The following LCP2 variants were observed in gnomAD, a reference collection of about 807,000 sequenced individuals.
LCP2 encodes the protein 76 kDa tyrosine phosphoprotein.
Under a neutral mutation model 74.5 loss-of-function variants are expected in LCP2, and 29 were observed. That is an observed-to-expected ratio of 0.39 (90% confidence interval 0.29 to 0.53). LCP2 has a LOEUF of 0.53. Ranked by LOEUF, LCP2 falls within the 20% of genes least tolerant of loss-of-function variation. LCP2 has a pLI of 0.72. For missense variants in LCP2, 604 were observed against 634.6 expected (o/e 0.95, Z 0.52); for synonymous variants, 228 against 229.5 (o/e 0.99, Z 0.06).
At chr5:170,289,873 C>T (rs1762259845) in intron 2 of LCP2, among the ~76,000 whole-genome samples, 1 of 151,512 alleles carries the variant, frequency 6.6e-6, no homozygotes, top group South Asian at 2.1e-4. Flanking sequence ...TTCCTAAGGG[C>T]TGCCAGAGGG....
intron 17 of LCP2, 122 bp from the exon 18 acceptor site, chr5:170,253,335 C>A: frequency 1.8e-6 from 1 of 549,228 alleles, no homozygotes; most frequent in Non-Finnish European, 3.1e-6. Flanking sequence ...TCCTATAGTT[C>A]GCATTTTAAG....
intron 6 of LCP2, among the ~76,000 whole-genome samples, chr5:170,272,592 A>ATTTTCT (rs1761913354): frequency 2.9e-5 from 1 of 34,312 alleles, no homozygotes; most frequent in Non-Finnish European, 6.8e-5. Flanking sequence ...CCCATCAAAT[A>ATTTTCT]TTTTCTTTTT....
intron 3 of LCP2, among the ~76,000 whole-genome samples, chr5:170,280,807 A>G (rs141978486): frequency 0.011 from 1,743 of 152,270 alleles, 35 homozygotes; most frequent in African/African-American, 0.039. Context: ...CAGGAGTTCG[A>G]GACCAGCCTG....
At position 170,247,845 on chromosome 5, in the gene LCP2, T is replaced by A. The variant is rs1344535534; in HGVS notation, c.*852A>T. 1 of 152,296 alleles carries A rather than the reference T, an allele frequency of 6.6e-6. No individual in the cohort carries two copies. Among genetic ancestry groups the A allele is most frequent in the Non-Finnish European group, 1.5e-5 (1 of 68,100 alleles). 9.4% of individuals were successfully genotyped at this position (152,296 alleles called of 1,614,324 possible). On this transcript the variant is annotated 3_prime_UTR_variant, in exon 21 of 21. Transcript: ENST00000046794. ...TAAAATCTATATCCCTGGACAATGCTTTTGGGGTTGGGAGAAGGTTGGTGG... is the reference window on the plus strand; with the variant it reads ...TAAAATCTATATCCCTGGACAATGCATTTGGGGTTGGGAGAAGGTTGGTGG...
In LCP2 at chr5:170,268,232, G is replaced by C. The variant is rs115505777; in HGVS notation, c.621+153C>G. Among the ~76,000 whole-genome samples the C allele has an allele frequency of 3.1e-3, 477 of 152,220 alleles. 3 individuals carry two copies. Among genetic ancestry groups the C allele is most frequent in the African/African-American group, 0.011 (450 of 41,526 alleles). ...AAAAAAGAAACACGTGTGAATGCTT[G>C]GGTTTGCCTTTCCCCAGCCGAGGGA... is the stretch of plus-strand genomic sequence containing the variant. On this transcript the variant is annotated intron_variant, in intron 8 of 20. Transcript: ENST00000046794.
At position 170,268,400 on chromosome 5, in the gene LCP2, G is replaced by A. The variant is rs763246906; in HGVS notation, c.606C>T (p.Ala202=). ...GGAGGCCTACCGAGTGATTCCGGCC[G>A]GCTGGTGGGGGCGGGAGGGCGGCCA... ...RPMAALPPPP[A]GRNHSPLPPP... Residue 202 remains alanine (A), a synonymous_variant, in exon 8 of 21, where the codon GCC becomes GCT. Coordinates refer to ENST00000046794, the MANE Select transcript of LCP2 (RefSeq NM_005565.5). The A allele has an allele frequency of 2.8e-5, 22 of 781,686 alleles. No homozygotes were observed. The highest frequency in any genetic ancestry group is 3.4e-4 in the Middle Eastern group (1 of 2,978). The allele number at this position is 781,686 out of a possible 1,614,324, so 48.4% of individuals were successfully genotyped here.
At chr5:170,297,165 C>T (rs1028593498) in intron 1 of LCP2, among the ~76,000 whole-genome samples, 3 of 152,128 alleles carry the variant, frequency 2.0e-5, no homozygotes, top group African/African-American at 7.2e-5. Flanking sequence ...ACATGTAGTC[C>T]CTAGGGCTTC....
At chr5:170,296,421 T>C (rs748866298) in intron 1 of LCP2, among the ~76,000 whole-genome samples, 1 of 152,200 alleles carries the variant, frequency 6.6e-6, no homozygotes. Flanking sequence ...CGGAAATGCA[T>C]AGACCCCAGG....
In LCP2 at chr5:170,252,472, G is replaced by T. The variant is rs770518472; in HGVS notation, c.1285C>A (p.Arg429=). The stretch of plus-strand genomic sequence containing the variant: ...CTAAGAGCAGCTTCTGCCTCTGGTC[G>T]GGTAATATAAGAAACGTACCACTCT... The part of the protein sequence containing the change: ...NEEWYVSYIT[R]PEAEAALRKI... Residue 429 remains arginine (R), a synonymous_variant, in exon 19 of 21, where the codon CGA becomes AGA. Coordinates refer to ENST00000046794, the MANE Select transcript of LCP2 (RefSeq NM_005565.5). 5.7e-6 allele frequency: 9 copies of T among 1,588,054 alleles called. No homozygotes were observed. The highest frequency in any genetic ancestry group is 7.8e-6 in the Non-Finnish European group (9 of 1,160,082).
At chr5:170,252,535 CTG>C in intron 18 of LCP2, 24 bp from the exon 19 acceptor site, 1 of 1,257,318 alleles carries the variant, frequency 8.0e-7, no homozygotes, top group Non-Finnish European at 1.1e-6. Context: ...TTTTTAGAAA[CTG>C]AATAAATTTT....
chr5:170,295,542 T>C (rs13361283), intron 1 of LCP2, among the ~76,000 whole-genome samples: 9,790 of 152,180 alleles, frequency 0.064, 358 homozygotes, highest in African/African-American at 0.097. Flanking sequence ...AGAGCCAGGG[T>C]AAAGTGTGTC....
At chr5:170,274,180 TG>T in intron 6 of LCP2, 120 bp downstream of exon 6, 1 of 1,042,992 alleles carries the variant, frequency 9.6e-7, no homozygotes, top group Non-Finnish European at 1.5e-6. Context: ...TTCTGGGCCC[TG>T]GGTGGGTGTG....
intron 1 of LCP2, among the ~76,000 whole-genome samples, chr5:170,296,886 A>T (rs1302186865): frequency 1.3e-5 from 2 of 152,142 alleles, no homozygotes; most frequent in African/African-American, 2.4e-5. Context: ...AGACTCTCAT[A>T]AGGCTCCAAG....
At chr5:170,258,258 A>G (rs1761594617) in intron 15 of LCP2, 92 bp from the exon 16 acceptor site, 2 of 1,330,042 alleles carry the variant, frequency 1.5e-6, no homozygotes, top group African/African-American at 2.9e-5. Flanking sequence ...AGAAACAGCT[A>G]GTATAAAGAG....
chr5:170,277,333 C>T (rs1187545579), intron 3 of LCP2, among the ~76,000 whole-genome samples: 3 of 152,102 alleles, frequency 2.0e-5, no homozygotes, highest in Non-Finnish European at 2.9e-5. Flanking sequence ...ATGACCATCT[C>T]GAAGTAACAA....
At chr5:170,250,692 A>G (rs1325951477) in intron 20 of LCP2, 38 bp downstream of exon 20, 1 of 1,573,904 alleles carries the variant, frequency 6.4e-7, no homozygotes, top group East Asian at 2.2e-5. Context: ...TGGCATAAAT[A>G]AAGACTTTGG....
At chr5:170,276,252 C>G (rs1231338364) in intron 3 of LCP2, among the ~76,000 whole-genome samples, 2 of 152,100 alleles carry the variant, frequency 1.3e-5, no homozygotes, top group African/African-American at 4.8e-5. Context: ...GGCTGAGGTC[C>G]CCTGGCTTTT....
intron 20 of LCP2, 132 bp downstream of exon 20, chr5:170,250,598 T>C: frequency 1.4e-6 from 1 of 696,260 alleles, no homozygotes; most frequent in South Asian, 1.7e-5. Flanking sequence ...TTCCAATAAA[T>C]GAAGGGCTTC....
chr5:170,267,279 A>T, intron 8 of LCP2: 1 of 603,988 alleles, frequency 1.7e-6, no homozygotes, highest in Non-Finnish European at 2.9e-6. Flanking sequence ...TCTTTTCTGC[A>T]GGCAGCAGAG....
Sources: gnomAD v4.1 joint callset for allele counts (sites outside exome capture counted in the v4.1 genomes callset) on GRCh38, gnomAD v4.1.1 for gene constraint, MANE v1.5 for transcripts, NCBI Gene and HGNC (gene_info 2026-07-23, HGNC 2026-07-21) for gene names.